Variants in SNX29 observed in about 807,000 individuals in gnomAD.
SNX29 encodes sorting nexin 29, also known as sorting nexin-29.
In SNX29, 78 loss-of-function variants were observed where a neutral mutation model predicts 102.1. That is an observed-to-expected ratio of 0.76 (90% confidence interval 0.64 to 0.92). SNX29 has a LOEUF of 0.92. Ranked by LOEUF, SNX29 falls within the 40% of genes least tolerant of loss-of-function variation. The pLI is 0.00. For missense variants in SNX29, 1,280 were observed against 1,061.7 expected (o/e 1.21, Z -2.86); for synonymous variants, 580 against 414.5 (o/e 1.40, Z -4.85).
chr16:12,342,992 G>C (rs562855043), intron 15 of SNX29, among the ~76,000 whole-genome samples: 1 of 152,328 alleles, frequency 6.6e-6, no homozygotes, highest in East Asian at 1.9e-4. Flanking sequence ...GTGAGAAAGA[G>C]ACTCTCAAAG....
intron 18 of SNX29, among the ~76,000 whole-genome samples, chr16:12,447,310 C>T (rs1490200114): frequency 6.6e-6 from 1 of 151,376 alleles, no homozygotes; most frequent in African/African-American, 2.4e-5. Flanking sequence ...GGGCACCTTT[C>T]TGTCTTACCT....
intron 13 of SNX29, among the ~76,000 whole-genome samples, chr16:12,195,040 T>G (rs16959054): frequency 0.024 from 3,697 of 152,334 alleles, 158 homozygotes; most frequent in African/African-American, 0.084. Flanking sequence ...TGAGCACTGT[T>G]AACGTTGTGG....
At chr16:12,402,494 T>A (rs1344722866) in intron 17 of SNX29, among the ~76,000 whole-genome samples, 1 of 152,204 alleles carries the variant, frequency 6.6e-6, no homozygotes, top group Non-Finnish European at 1.5e-5. Flanking sequence ...TCCAGAATGG[T>A]GCAGCACCGT....
intron 19 of SNX29, among the ~76,000 whole-genome samples, chr16:12,509,604 C>G (rs1346902083): frequency 6.6e-6 from 1 of 152,012 alleles, no homozygotes; most frequent in Non-Finnish European, 1.5e-5. Flanking sequence ...TTTGTTTTTT[C>G]TCTTTGGACC....
At chr16:12,063,721 C>A (rs2050891524) in intron 9 of SNX29, among the ~76,000 whole-genome samples, 1 of 151,838 alleles carries the variant, frequency 6.6e-6, no homozygotes, top group Non-Finnish European at 1.5e-5. Flanking sequence ...TCATGCCCTC[C>A]TTGGCCCACA....
intron 14 of SNX29, among the ~76,000 whole-genome samples, chr16:12,275,743 ATTG>A (rs918781342): frequency 1.7e-5 from 2 of 117,294 alleles, no homozygotes; most frequent in African/African-American, 3.2e-5. Context: ...TTTTGCTTTT[ATTG>A]TTATTTTTGA....
chr16:12,076,499 G>A (rs191974933), intron 10 of SNX29, among the ~76,000 whole-genome samples: 3 of 151,920 alleles, frequency 2.0e-5, no homozygotes, highest in African/African-American at 7.3e-5. Flanking sequence ...ACGGAGTTTC[G>A]CCATGTTGGC....
At chr16:12,526,266 G>A (rs1226335202) in intron 20 of SNX29, among the ~76,000 whole-genome samples, 1 of 152,118 alleles carries the variant, frequency 6.6e-6, no homozygotes, top group Non-Finnish European at 1.5e-5. Flanking sequence ...TCCCCTCTGT[G>A]GGGTGCACCT....
chr16:12,179,530 A>G (rs1451879160), intron 13 of SNX29, among the ~76,000 whole-genome samples: 1 of 152,228 alleles, frequency 6.6e-6, no homozygotes, highest in Non-Finnish European at 1.5e-5. Flanking sequence ...TTCCATTTTA[A>G]GAAAATATTC....
At position 12,427,199 on chromosome 16, in the gene SNX29, G is replaced by A. The variant is rs56696659; in HGVS notation, c.2037+23670G>A. On this transcript the variant is annotated intron_variant, in intron 18 of 20. Coordinates refer to ENST00000566228, the MANE Select transcript of SNX29 (RefSeq NM_032167.5). ...AAATGACTCAAGGTGGTTTCTTCTCGGTGCCAACCCTCTGTCACCATGCAG... is the reference window on the plus strand; with the variant it reads ...AAATGACTCAAGGTGGTTTCTTCTCAGTGCCAACCCTCTGTCACCATGCAG... Among the ~76,000 whole-genome samples the A allele has an allele frequency of 5.1e-3, 781 of 152,112 alleles. 10 individuals are homozygous for A. The highest frequency in any genetic ancestry group is 0.018 in the African/African-American group (728 of 41,500).
intron 16 of SNX29, among the ~76,000 whole-genome samples, chr16:12,379,554 C>T (rs1458702120): frequency 6.6e-6 from 1 of 152,144 alleles, no homozygotes; most frequent in Non-Finnish European, 1.5e-5. Flanking sequence ...GACTCAGTTC[C>T]AAAAACATCT....
chr16:12,089,378 A>G (rs1431004735), intron 11 of SNX29, among the ~76,000 whole-genome samples: 1 of 152,098 alleles, frequency 6.6e-6, no homozygotes, highest in Admixed American at 6.6e-5. Flanking sequence ...AAAACCTGCA[A>G]CTATTTCTGC....
At chr16:12,456,624 C>A (rs904865501) in intron 18 of SNX29, among the ~76,000 whole-genome samples, 1 of 151,788 alleles carries the variant, frequency 6.6e-6, no homozygotes, top group African/African-American at 2.4e-5. Flanking sequence ...GGATGAGCAT[C>A]TGATGGGGTG....
intron 15 of SNX29, among the ~76,000 whole-genome samples, chr16:12,344,066 C>T (rs1447182324): frequency 6.6e-6 from 1 of 152,164 alleles, no homozygotes; most frequent in Admixed American, 6.5e-5. Context: ...GAGAGGTTTC[C>T]TCTTTCTCTT....
At chr16:12,560,419 C>G (rs553982121) in intron 20 of SNX29, among the ~76,000 whole-genome samples, 1 of 152,182 alleles carries the variant, frequency 6.6e-6, no homozygotes, top group African/African-American at 2.4e-5. Flanking sequence ...CAGTGTCTGT[C>G]CTGTAGGCAT....
At chr16:12,010,739 T>C (rs1596584443) in intron 3 of SNX29, among the ~76,000 whole-genome samples, 1 of 142,878 alleles carries the variant, frequency 7.0e-6, no homozygotes, top group South Asian at 2.2e-4. Context: ...AAAAGAATGA[T>C]TTGTTTTGGT....
In SNX29 at chr16:12,240,930, C is replaced by T. The variant is rs148107649; in HGVS notation, c.1679-37003C>T. Among the ~76,000 whole-genome samples the T allele has an allele frequency of 2.5e-3, 378 of 152,166 alleles. 2 individuals are homozygous for T. The highest frequency in any genetic ancestry group is 8.8e-3 in the African/African-American group (364 of 41,508). ...CATCTTTGTCATTCTTGTGGTAAAT[C>T]TTTTTCTTTTACTTTTTCTGCATAA... On this transcript the variant is annotated intron_variant, in intron 14 of 20. Transcript: ENST00000566228.
At chr16:12,122,971 C>T (rs553613446) in intron 11 of SNX29, among the ~76,000 whole-genome samples, 3 of 152,038 alleles carry the variant, frequency 2.0e-5, no homozygotes, top group African/African-American at 7.2e-5. Flanking sequence ...GAATTAGAGG[C>T]GCCTGCCACC....
intron 15 of SNX29, among the ~76,000 whole-genome samples, chr16:12,283,891 C>A (rs1289686224): frequency 1.3e-5 from 2 of 152,218 alleles, no homozygotes; most frequent in Non-Finnish European, 2.9e-5. Flanking sequence ...GATAATTCCT[C>A]CCCACTTCTT....
Sources: allele counts gnomAD v4.1 joint callset (sites outside exome capture counted in the v4.1 genomes callset), GRCh38; gene constraint gnomAD v4.1.1; transcripts MANE v1.5; gene names NCBI Gene and HGNC (gene_info 2026-07-23, HGNC 2026-07-21).